ATG7: variants seen among roughly 807,000 people sequenced by gnomAD.
The protein encoded by ATG7 is autophagy related 7, also known as ubiquitin-like modifier-activating enzyme ATG7.
A neutral mutation model predicts 82.4 loss-of-function variants in ATG7; 70 were observed. The ratio of observed to expected loss-of-function variants is 0.85; its 90% CI spans 0.70 to 1.04. The LOEUF (loss-of-function observed/expected upper bound fraction) is 1.04, where lower values mean the gene tolerates loss of function less well. ATG7 is among the 50% of genes least tolerant of loss of function. ATG7 has a pLI of 0.00. For synonymous variants in ATG7, 287 were observed against 313.0 expected (o/e 0.92, Z 0.88); for missense variants, 792 against 864.3 (o/e 0.92, Z 1.05).
intron 10 of ATG7, among the ~76,000 whole-genome samples, chr3:11,332,488 A>G (rs1223780245): frequency 6.6e-6 from 1 of 152,220 alleles, no homozygotes; most frequent in Non-Finnish European, 1.5e-5. Flanking sequence ...TAGATAAATT[A>G]TAGATTGTTC....
intron 11 of ATG7, among the ~76,000 whole-genome samples, chr3:11,336,592 G>A (rs1044078643): frequency 6.6e-6 from 1 of 152,064 alleles, no homozygotes; most frequent in Non-Finnish European, 1.5e-5. Flanking sequence ...TATAAGTATG[G>A]TTGTACTTTT....
chr3:11,564,660 G>GCTC, the ATG7 span: 1 of 833,096 alleles, frequency 1.2e-6, no homozygotes, highest in East Asian at 3.0e-5. Flanking sequence ...GCGAAGGGTG[G>GCTC]CATCCCTCAC....
chr3:11,521,345 A>G (rs947963415), intron 20 of ATG7, among the ~76,000 whole-genome samples: 1 of 152,170 alleles, frequency 6.6e-6, no homozygotes, highest in Non-Finnish European at 1.5e-5. Context: ...TAAGAGTCAC[A>G]GAGGGTGACC....
At chr3:11,415,248 T>TA (rs2152923087) in intron 19 of ATG7, among the ~76,000 whole-genome samples, 1 of 152,316 alleles carries the variant, frequency 6.6e-6, no homozygotes, top group East Asian at 1.9e-4. Context: ...GCAGAATACT[T>TA]ACCATAAATG....
intron 19 of ATG7, among the ~76,000 whole-genome samples, chr3:11,411,644 A>AAAAAAT: frequency 7.1e-6 from 1 of 140,698 alleles, no homozygotes; most frequent in South Asian, 2.3e-4. Flanking sequence ...AAAAAAAAAA[A>AAAAAAT]AAAATTCTTA....
At chr3:11,361,286 C>CTTTTT (rs760437157) in intron 16 of ATG7, among the ~76,000 whole-genome samples, 3 of 139,096 alleles carry the variant, frequency 2.2e-5, no homozygotes, top group Non-Finnish European at 4.8e-5. Context: ...ATAATGAATT[C>CTTTTT]TTTTTTTTTT....
At chr3:11,495,493 G>A (rs115501366) in intron 20 of ATG7, among the ~76,000 whole-genome samples, 9 of 152,250 alleles carry the variant, frequency 5.9e-5, no homozygotes, top group Non-Finnish European at 8.8e-5. Flanking sequence ...AACTCCCTGC[G>A]CTGTTGGTCA....
chr3:11,460,969 A>G (rs993984636), intron 20 of ATG7, among the ~76,000 whole-genome samples: 8 of 152,200 alleles, frequency 5.3e-5, no homozygotes, highest in African/African-American at 1.9e-4. Context: ...CTTCCTTTTC[A>G]GAATATATAC....
intron 19 of ATG7, among the ~76,000 whole-genome samples, chr3:11,410,330 ATT>A (rs371850503): frequency 6.6e-6 from 1 of 151,388 alleles, no homozygotes; most frequent in South Asian, 2.1e-4. Context: ...ATGATATTGT[ATT>A]TTTTTTTAAA....
At chr3:11,517,327 C>T (rs979476372) in intron 20 of ATG7, among the ~76,000 whole-genome samples, 3 of 142,282 alleles carry the variant, frequency 2.1e-5, no homozygotes, top group African/African-American at 8.0e-5. Flanking sequence ...GGTGAAGAGC[C>T]AGACTCCACC....
At chr3:11,377,046 C>T (rs1158191488) in intron 18 of ATG7, among the ~76,000 whole-genome samples, 3 of 152,136 alleles carry the variant, frequency 2.0e-5, no homozygotes, top group African/African-American at 7.2e-5. Context: ...GCCTTGTCTG[C>T]CGCCTTTTGT....
intron 20 of ATG7, among the ~76,000 whole-genome samples, chr3:11,542,015 A>C (rs2070871799): frequency 6.6e-6 from 1 of 152,270 alleles, no homozygotes. Context: ...GCCTGGAAAA[A>C]GGCAAACAAG....
At chr3:11,561,469 T>G (rs2072993944), downstream of ATG7, among the ~76,000 whole-genome samples, 1 of 152,146 alleles carries the variant, frequency 6.6e-6, no homozygotes, top group African/African-American at 2.4e-5. Flanking sequence ...TGTCTGGGCA[T>G]CCTCTCCTCC....
At chr3:11,519,756 T>C (rs1156531829) in intron 20 of ATG7, among the ~76,000 whole-genome samples, 4 of 151,784 alleles carry the variant, frequency 2.6e-5, no homozygotes, top group African/African-American at 9.7e-5. Flanking sequence ...AGAGACGGGG[T>C]TTCACAGTGT....
intron 20 of ATG7, among the ~76,000 whole-genome samples, chr3:11,485,449 T>A (rs1574953729): frequency 1.3e-5 from 2 of 152,342 alleles, no homozygotes; most frequent in East Asian, 3.9e-4. Context: ...TAGCCCTTCG[T>A]CAGATGAGTA....
intron 20 of ATG7, among the ~76,000 whole-genome samples, chr3:11,514,704 C>T (rs990214378): frequency 1.3e-5 from 2 of 152,216 alleles, no homozygotes; most frequent in African/African-American, 4.8e-5. Context: ...TTACATAGCT[C>T]CACTTTTCAG....
At chr3:11,382,196 A>T (rs2077955149) in intron 19 of ATG7, among the ~76,000 whole-genome samples, 1 of 152,190 alleles carries the variant, frequency 6.6e-6, no homozygotes. Context: ...CTGGGGAAGT[A>T]GAATAAGTTT....
At chr3:11,495,624 C>G (rs1279999779) in intron 20 of ATG7, among the ~76,000 whole-genome samples, 1 of 151,564 alleles carries the variant, frequency 6.6e-6, no homozygotes, top group Admixed American at 6.6e-5. Flanking sequence ...ACTTAATGAT[C>G]CACCTATGGC....
At chr3:11,545,406 G>C (rs139677572) in intron 20 of ATG7, among the ~76,000 whole-genome samples, 207 of 152,330 alleles carry the variant, frequency 1.4e-3, no homozygotes, top group Non-Finnish European at 2.6e-3. Context: ...TCTCTTGTGG[G>C]CATCGAGAGC....
Sources: gnomAD v4.1 joint callset for allele counts (sites outside exome capture counted in the v4.1 genomes callset) on GRCh38, gnomAD v4.1.1 for gene constraint, MANE v1.5 for transcripts, NCBI Gene and HGNC (gene_info 2026-07-23, HGNC 2026-07-21) for gene names.